DEPDC5: variants seen among roughly 807,000 people sequenced by gnomAD.
DEPDC5 encodes the protein DEP domain containing 5, GATOR1 subcomplex subunit.
DEPDC5 carries 73 observed loss-of-function variants against 217.3 expected under a neutral mutation model. The observed-to-expected ratio is 0.34, with a 90% CI of 0.28 to 0.41. The LOEUF is 0.41. Ranked by LOEUF, DEPDC5 falls within the 10% of genes least tolerant of loss-of-function variation. The pLI is 1.00. For synonymous variants in DEPDC5, 733 were observed against 756.7 expected (o/e 0.97, Z 0.51); for missense variants, 1,675 against 2,070.1 (o/e 0.81, Z 3.70).
intron 4 of DEPDC5, among the ~76,000 whole-genome samples, chr22:31,764,478 C>T (rs142929398): frequency 1.4e-4 from 22 of 152,072 alleles, no homozygotes; most frequent in African/African-American, 4.3e-4. Flanking sequence ...TGCAGTGGTA[C>T]GATCTCAGCT....
intron 31 of DEPDC5, among the ~76,000 whole-genome samples, chr22:31,847,359 G>GAA (rs982705513): frequency 7.9e-6 from 1 of 126,042 alleles, no homozygotes. Context: ...CTTTACTGGG[G>GAA]AAAAAAAAAA....
chr22:31,778,829 A>G (rs189010610), intron 8 of DEPDC5, among the ~76,000 whole-genome samples: 8 of 152,254 alleles, frequency 5.3e-5, no homozygotes, highest in Admixed American at 5.2e-4. Flanking sequence ...GCCTTCTCTG[A>G]GAGCAGTGGT....
rs866503322 is a variant in DEPDC5 at position 31,900,084 on chromosome 22, T to C, written c.4376-1658T>C. 2.0e-5 allele frequency among the ~76,000 whole-genome samples: 3 copies of C among 152,162 alleles called. No homozygotes were observed. The South Asian group carries it at 6.2e-4, about 31-fold the overall frequency. ...TTTTTTGAGATGGAGTCTTGCTCTGTCGCCCAGGCTGGAGTGCAGTGGCGC... is the reference window on the plus strand; with the variant it reads ...TTTTTTGAGATGGAGTCTTGCTCTGCCGCCCAGGCTGGAGTGCAGTGGCGC... On this transcript the variant is annotated intron_variant, in intron 40 of 42. Coordinates refer to ENST00000651528, the MANE Select transcript of DEPDC5 (RefSeq NM_001242896.3).
chr22:31,902,978 C>T (rs943502310), intron 41 of DEPDC5, among the ~76,000 whole-genome samples: 1 of 151,970 alleles, frequency 6.6e-6, no homozygotes, highest in African/African-American at 2.4e-5. Context: ...CTGCATCCTC[C>T]TCCTGATCCC....
chr22:31,876,150 C>G lies in DEPDC5; in HGVS notation c.3697-7C>G. 1 of 1,613,566 alleles carries G rather than the reference C, an allele frequency of 6.2e-7. No individual in the cohort carries two copies. Among genetic ancestry groups the G allele is most frequent in the Non-Finnish European group, 8.5e-7 (1 of 1,179,748 alleles). On this transcript the variant is annotated splice_polypyrimidine_tract_variant and splice_region_variant and intron_variant, in intron 36 of 42. Transcript: ENST00000651528. ...CAGGAATTTCAGAGTTTCAATGTCT[C>G]TCCTAGAAAATGCTGGAAGAGCAGC...
In DEPDC5 at chr22:31,857,509, A is replaced by T. The variant is rs778292246; in HGVS notation, c.3220A>T (p.Ser1074Cys). 4 of 1,612,644 alleles carry T rather than the reference A, an allele frequency of 2.5e-6. No individual in the cohort carries two copies. The South Asian group carries it at 4.4e-5, about 18-fold the overall frequency. The change falls in exon 32 of 43, where the codon AGC becomes TGC. Residue 1074 changes from serine (S) to cysteine (C), a missense_variant. By Grantham distance (112) the Ser-to-Cys change is moderately radical. Around this residue, in one of 11 missense-constraint regions of DEPDC5, gnomAD observed 126 missense variants for 113.8 expected, o/e 1.11. Coordinates refer to ENST00000651528, the MANE Select transcript of DEPDC5 (RefSeq NM_001242896.3). ...GAGCTCCGCCCAGTCAGCCGAGAGC[A>T]GCAGCGTTGCCATGACTCCCACCTA... ...GKSSAQSAES[S>C]SVAMTPTYMD...
At chr22:31,827,669 G>A (rs2090261270) in intron 24 of DEPDC5, among the ~76,000 whole-genome samples, 1 of 151,726 alleles carries the variant, frequency 6.6e-6, no homozygotes, top group African/African-American at 2.4e-5. Context: ...CTCATGTCAT[G>A]TGGCTGCTTG....
chr22:31,804,693 G>T, intron 16 of DEPDC5, 149 bp from the exon 17 acceptor site: 1 of 711,254 alleles, frequency 1.4e-6, no homozygotes, highest in Non-Finnish European at 2.4e-6. Context: ...GCCCGCCTTG[G>T]CCTCCCAAAT....
Position 31,837,161 on chromosome 22 carries a change from T to C in DEPDC5, c.2354+6T>C, listed in dbSNP as rs2091065559. ...CCAGAAGCAGACATCGACAGGTCAG[T>C]GTCAGAGAAAAAGGCACTTGGCTTG... On this transcript the variant is annotated splice_donor_region_variant and intron_variant, in intron 26 of 42. Coordinates refer to ENST00000651528, the MANE Select transcript of DEPDC5 (RefSeq NM_001242896.3). 1.9e-6 allele frequency: 3 copies of C among 1,613,664 alleles called. No individual in the cohort carries two copies. The highest frequency in any genetic ancestry group is 1.7e-5 in the Admixed American group (1 of 59,962).
At chr22:31,788,152 A>G (rs2085211042) in intron 10 of DEPDC5, among the ~76,000 whole-genome samples, 1 of 152,110 alleles carries the variant, frequency 6.6e-6, no homozygotes, top group Non-Finnish European at 1.5e-5. Context: ...TCTAAAGAAT[A>G]TACATGAATG....
chr22:31,809,179 T>C (rs1401172901), intron 18 of DEPDC5, among the ~76,000 whole-genome samples: 8 of 152,192 alleles, frequency 5.3e-5, no homozygotes, highest in Non-Finnish European at 1.2e-4. Context: ...TTGGGTGATA[T>C]ACAGAGTGCT....
At chr22:31,836,721 A>G (rs764296716) in intron 25 of DEPDC5, 28 of 481,262 alleles carry the variant, frequency 5.8e-5, no homozygotes, top group Non-Finnish European at 9.2e-5. Context: ...TCAGCAGAAA[A>G]TGAAAAATAT....
intron 22 of DEPDC5, among the ~76,000 whole-genome samples, chr22:31,820,213 A>G (rs1569008394): frequency 1.3e-5 from 2 of 151,908 alleles, no homozygotes. Context: ...TTGGGTTCAA[A>G]CAATTCTTCT....
intron 15 of DEPDC5, among the ~76,000 whole-genome samples, chr22:31,803,627 C>A (rs11704129): frequency 0.025 from 3,748 of 152,020 alleles, 121 homozygotes; most frequent in Admixed American, 0.096. Flanking sequence ...GTTTCATCAA[C>A]AAGATGGAGT....
chr22:31,904,750 CAAAG>C (rs2149441941), intron 41 of DEPDC5, among the ~76,000 whole-genome samples: 1 of 152,254 alleles, frequency 6.6e-6, no homozygotes, highest in South Asian at 2.1e-4. Flanking sequence ...GAGGATTTTG[CAAAG>C]GCAAAATCCA....
chr22:31,816,593 C>G (rs977304553), intron 21 of DEPDC5: 6 of 151,782 alleles, frequency 4.0e-5, no homozygotes, highest in African/African-American at 1.5e-4. Context: ...ACCACACCAG[C>G]TAATTTTTGT....
chr22:31,898,817 C>T (rs1053033573), intron 40 of DEPDC5, among the ~76,000 whole-genome samples: 1 of 152,210 alleles, frequency 6.6e-6, no homozygotes, highest in Admixed American at 6.5e-5. Context: ...GAGGCCCTAC[C>T]TGCTGGGGGC....
At chr22:31,866,389 C>A (rs899166875) in intron 33 of DEPDC5, among the ~76,000 whole-genome samples, 1 of 152,044 alleles carries the variant, frequency 6.6e-6, no homozygotes, top group Admixed American at 6.6e-5. Flanking sequence ...GCTTTCCTTA[C>A]ATTTTTCTTT....
chr22:31,906,000 G>T lies in DEPDC5; in HGVS notation c.4453G>T (p.Asp1485Tyr). The T allele has an allele frequency of 6.2e-7, 1 of 1,614,166 alleles. No individual in the cohort carries two copies. Among genetic ancestry groups the T allele is most frequent in the Non-Finnish European group, 8.5e-7 (1 of 1,180,016 alleles). The change falls in exon 42 of 43, where the codon GAT becomes TAT. Residue 1485 changes from aspartate to tyrosine, a missense_variant. This residue lies in a region of DEPDC5 where 182 missense variants were observed against 290.1 expected (regional missense o/e 0.63). Coordinates refer to ENST00000651528, the MANE Select transcript of DEPDC5 (RefSeq NM_001242896.3). The stretch of plus-strand genomic sequence containing the variant: ...CTTCCCTAGGTTTGGGTTTGTACAA[G>T]ATAAATATTCTGCCTCTGCTTTTAA... ...AIAHRFGFVQ[D>Y]KYSASAFNFP... is the part of the protein sequence containing the mutation.
Sources: gnomAD v4.1 joint callset for allele counts (sites outside exome capture counted in the v4.1 genomes callset) on GRCh38, gnomAD v4.1.1 for gene constraint, gnomAD v4.1.1 regional missense constraint, MANE v1.5 for transcripts, NCBI Gene and HGNC (gene_info 2026-07-23, HGNC 2026-07-21) for gene names.